CCDC102B: variants seen among roughly 807,000 people sequenced by gnomAD.
CCDC102B encodes the protein coiled-coil domain-containing protein 102B.
CCDC102B carries 75 observed loss-of-function variants against 57.4 expected under a neutral mutation model. The observed-to-expected ratio is 1.31, with a 90% CI of 1.08 to 1.58. The LOEUF (loss-of-function observed/expected upper bound fraction) is 1.58, where lower values mean the gene tolerates loss of function less well. Ranked by LOEUF, CCDC102B falls within the 40% of genes most tolerant of loss-of-function variation. The probability of loss-of-function intolerance (pLI) is 0.00; values close to 1 mark genes in which losing one functional copy is unlikely to be tolerated. For synonymous variants in CCDC102B, 206 were observed against 201.9 expected (o/e 1.02, Z -0.17); for missense variants, 636 against 582.6 (o/e 1.09, Z -0.94).
At chr18:68,744,886 G>T (rs1456944852) in intron 2 of CCDC102B, among the ~76,000 whole-genome samples, 1 of 152,182 alleles carries the variant, frequency 6.6e-6, no homozygotes, top group Non-Finnish European at 1.5e-5. Flanking sequence ...ATCCAAAGGG[G>T]TAGTAGTTAG....
intron 2 of CCDC102B, among the ~76,000 whole-genome samples, chr18:68,732,406 C>T (rs1036268339): frequency 5.3e-5 from 8 of 151,102 alleles, no homozygotes; most frequent in African/African-American, 9.7e-5. Flanking sequence ...AGTGCAGTGG[C>T]GTGATCTCAG....
chr18:68,751,101 A>G (rs1372162529), intron 2 of CCDC102B, among the ~76,000 whole-genome samples: 1 of 152,188 alleles, frequency 6.6e-6, no homozygotes, highest in African/African-American at 2.4e-5. Flanking sequence ...AAAATAAAAA[A>G]GAGAAAGATA....
At chr18:69,055,629 C>T (rs773536885), downstream of CCDC102B, among the ~76,000 whole-genome samples, 3 of 152,030 alleles carry the variant, frequency 2.0e-5, no homozygotes, top group Non-Finnish European at 4.4e-5. Context: ...GTTCCCCTTG[C>T]CTGACCATGT....
intron 7 of CCDC102B, among the ~76,000 whole-genome samples, chr18:69,033,843 T>A (rs565922974): frequency 6.6e-6 from 1 of 152,196 alleles, no homozygotes; most frequent in East Asian, 1.9e-4. Context: ...TTTCTTCACA[T>A]TCTTACCAAA....
intron 6 of CCDC102B, among the ~76,000 whole-genome samples, chr18:68,978,805 T>C (rs192797172): frequency 8.5e-5 from 13 of 152,172 alleles, no homozygotes; most frequent in Admixed American, 4.6e-4. Context: ...GCATTTTCCA[T>C]AGTAGCCCCA....
chr18:68,941,611 T>C (rs2049382589), intron 6 of CCDC102B, among the ~76,000 whole-genome samples: 1 of 152,260 alleles, frequency 6.6e-6, no homozygotes, highest in East Asian at 1.9e-4. Flanking sequence ...AAGAAGTTAC[T>C]GTTTTAAGTT....
chr18:68,926,527 C>A (rs888194197), intron 6 of CCDC102B, among the ~76,000 whole-genome samples: 5 of 151,796 alleles, frequency 3.3e-5, no homozygotes, highest in Non-Finnish European at 7.4e-5. Flanking sequence ...GAATATAATT[C>A]TCTTTTAGAA....
intron 2 of CCDC102B, among the ~76,000 whole-genome samples, chr18:68,757,513 A>G (rs1169764368): frequency 2.0e-5 from 3 of 152,214 alleles, no homozygotes; most frequent in Non-Finnish European, 4.4e-5. Context: ...TCTTAAAAAA[A>G]CAGGTAATGC....
At chr18:69,006,931 T>C (rs902654160) in intron 6 of CCDC102B, among the ~76,000 whole-genome samples, 12 of 152,128 alleles carry the variant, frequency 7.9e-5, no homozygotes, top group Admixed American at 2.0e-4. Context: ...TTTAGTTAGG[T>C]TGGCCATGAG....
At chr18:69,017,209 G>A (rs773580675) in intron 7 of CCDC102B, among the ~76,000 whole-genome samples, 2 of 151,996 alleles carry the variant, frequency 1.3e-5, no homozygotes, top group Non-Finnish European at 2.9e-5. Flanking sequence ...TCAACCTCCC[G>A]GGCTCAAGCA....
chr18:68,894,552 C>A (rs2079205250), intron 5 of CCDC102B, among the ~76,000 whole-genome samples: 2 of 151,478 alleles, frequency 1.3e-5, no homozygotes, highest in African/African-American at 4.8e-5. Flanking sequence ...AAAATATTAC[C>A]TGACTTTTTA....
chr18:68,749,723 C>T (rs191548937), intron 2 of CCDC102B, among the ~76,000 whole-genome samples: 121 of 152,252 alleles, frequency 7.9e-4, no homozygotes, highest in African/African-American at 2.8e-3. Flanking sequence ...CATCTGCAAA[C>T]AGCGACAATT....
chr18:68,788,954 G>T lies in CCDC102B; in HGVS notation c.-66-34412G>T, dbSNP rs552570423. Among the ~76,000 whole-genome samples the T allele has an allele frequency of 2.6e-5, 4 of 152,302 alleles. No homozygotes were observed. The East Asian group carries it at 7.7e-4, about 29-fold the overall frequency. ...GGTCTTTACATTTTGGCATGATTTT[G>T]CAGCGGCTGGTACTGGTTGTTCCTT... On this transcript the variant is annotated intron_variant, in intron 2 of 3. Coordinates refer to the CCDC102B transcript ENST00000578970.
chr18:68,849,289 A>G (rs1407210356), intron 4 of CCDC102B, among the ~76,000 whole-genome samples: 2 of 152,134 alleles, frequency 1.3e-5, no homozygotes, highest in Non-Finnish European at 2.9e-5. Flanking sequence ...GAAGATAGTT[A>G]TTAGAAATAG....
chr18:68,908,761 A>T (rs1316961418), intron 6 of CCDC102B, among the ~76,000 whole-genome samples: 1 of 152,194 alleles, frequency 6.6e-6, no homozygotes, highest in Non-Finnish European at 1.5e-5. Flanking sequence ...TTTATTAAGA[A>T]TACTGTAGTA....
chr18:68,750,762 A>T (rs2033814039), intron 2 of CCDC102B, among the ~76,000 whole-genome samples: 1 of 138,472 alleles, frequency 7.2e-6, no homozygotes, highest in Non-Finnish European at 1.5e-5. Context: ...GAACACTTGG[A>T]CACAGGAAGG....
intron 7 of CCDC102B, among the ~76,000 whole-genome samples, chr18:69,014,500 A>G (rs2051606498): frequency 6.6e-6 from 1 of 152,104 alleles, no homozygotes; most frequent in Non-Finnish European, 1.5e-5. Context: ...TACCAAGTAG[A>G]TTCCATAAAT....
At chr18:68,776,348 T>C (rs527897819) in intron 2 of CCDC102B, among the ~76,000 whole-genome samples, 1 of 152,308 alleles carries the variant, frequency 6.6e-6, no homozygotes, top group Non-Finnish European at 1.5e-5. Context: ...TTTTAAGATA[T>C]AAAGACACAC....
chr18:69,011,992 T>C (rs898590443), intron 7 of CCDC102B, among the ~76,000 whole-genome samples: 1 of 152,212 alleles, frequency 6.6e-6, no homozygotes, highest in Non-Finnish European at 1.5e-5. Context: ...TCTCTAATAA[T>C]ATTATATGGA....
Sources: gnomAD v4.1 joint callset for allele counts (sites outside exome capture counted in the v4.1 genomes callset) on GRCh38, gnomAD v4.1.1 for gene constraint, MANE v1.5 for transcripts, NCBI Gene and HGNC (gene_info 2026-07-23, HGNC 2026-07-21) for gene names.